PLG: variants seen among roughly 807,000 people sequenced by gnomAD.
PLG encodes plasmin.
PLG carries 41 observed loss-of-function variants against 104.4 expected under a neutral mutation model. The observed-to-expected ratio is 0.39, with a 90% CI of 0.31 to 0.51. The LOEUF (loss-of-function observed/expected upper bound fraction) is 0.51. Among genes scored for constraint, PLG ranks in the 20% least tolerant of loss-of-function variants. The pLI is 0.76. For synonymous variants in PLG, 337 were observed against 357.1 expected (o/e 0.94, Z 0.63); for missense variants, 891 against 1,003.6 (o/e 0.89, Z 1.52).
At position 160,737,214 on chromosome 6, in the gene PLG, T is replaced by A. The variant is rs570831168; in HGVS notation, c.1802+207T>A. On this transcript the variant is annotated intron_variant, in intron 14 of 18. Transcript: ENST00000308192. The surrounding 1 kb of genome is among the most constrained non-coding windows in gnomAD (Gnocchi z 4.7). ...CTACTGTGAAAATGACAAAAATTGC[T>A]GTCTTTTTCTTGATCTGGGCAGCTC... Among the ~76,000 whole-genome samples the A allele has an allele frequency of 7.0e-4, 106 of 152,186 alleles. No homozygotes were observed. Among genetic ancestry groups the A allele is most frequent in the Non-Finnish European group, 1.1e-3 (75 of 68,036 alleles).
intron 2 of PLG, among the ~76,000 whole-genome samples, chr6:160,706,767 C>T (rs968496193): frequency 9.2e-5 from 14 of 152,014 alleles, no homozygotes; most frequent in Admixed American, 3.3e-4. Flanking sequence ...GTTTTTACAC[C>T]GGACACAAAC....
In PLG at chr6:160,731,899, C is replaced by T. The variant is rs2115174158; in HGVS notation, c.1587+6C>T. Reference sequence around the variant, plus strand: ...GGGCGGGTCTGGAAAAAAATGTAAGCCACTTTGATTTGGACTCTTTGGCCT... The same window carrying T: ...GGGCGGGTCTGGAAAAAAATGTAAGTCACTTTGATTTGGACTCTTTGGCCT... On this transcript the variant is annotated splice_donor_region_variant and intron_variant, in intron 12 of 18. Coordinates refer to ENST00000308192, the MANE Select transcript of PLG (RefSeq NM_000301.5). The surrounding 1 kb of genome is among the most constrained non-coding windows in gnomAD (Gnocchi z 5.1). 9 of 1,613,864 alleles carry T rather than the reference C, an allele frequency of 5.6e-6. No individual in the cohort carries two copies. The highest frequency in any genetic ancestry group is 2.2e-5 in the East Asian group (1 of 44,868).
In PLG at chr6:160,724,672, AT is replaced by A. The variant is rs1777896719; in HGVS notation, c.1256+2106del. On this transcript the variant is annotated intron_variant, in intron 10 of 18. Coordinates refer to ENST00000308192, the MANE Select transcript of PLG (RefSeq NM_000301.5). This position sits in a 1 kb window ranked among gnomAD's most constrained non-coding sequence, Gnocchi z 5.0. ...AACTATGCTGGTCAGAAACAATGAA[AT>A]AACACCTTTAAAGTGATAGAAAAAA... is the stretch of plus-strand genomic sequence containing the variant. Among the ~76,000 whole-genome samples the A allele has an allele frequency of 6.6e-6, 1 of 152,216 alleles. No homozygotes were observed. The highest frequency in any genetic ancestry group is 2.4e-5 in the African/African-American group (1 of 41,464).
chr6:160,705,445 A>G (rs1218783324), intron 1 of PLG: 1 of 152,218 alleles, frequency 6.6e-6, no homozygotes, highest in Non-Finnish European at 1.5e-5. Context: ...CTGCTTTTTT[A>G]CAATTTCCTC....
rs1777900489 is a variant in PLG at position 160,725,017 on chromosome 6, C to A, written c.1256+2450C>A. 6.6e-6 allele frequency among the ~76,000 whole-genome samples: 1 copy of A among 152,032 alleles called. No individual in the cohort carries two copies. The highest frequency in any genetic ancestry group is 2.1e-4 in the South Asian group (1 of 4,826). ...AGATCATGGGGTCAGGAGTTTGAGA[C>A]CAGCCTGACCAACATGGTGAAACCC... On this transcript the variant is annotated intron_variant, in intron 10 of 18. Coordinates refer to ENST00000308192, the MANE Select transcript of PLG (RefSeq NM_000301.5). This position sits in a 1 kb window ranked among gnomAD's most constrained non-coding sequence, Gnocchi z 6.3.
chr6:160,721,553 T>A (rs1777828022), intron 9 of PLG, among the ~76,000 whole-genome samples: 1 of 152,206 alleles, frequency 6.6e-6, no homozygotes, highest in African/African-American at 2.4e-5. Flanking sequence ...CGTGTTCCTA[T>A]CCATTCCCAG....
At chr6:160,708,266 T>C (rs1777568790) in intron 3 of PLG, 1 of 154,776 alleles carries the variant, frequency 6.5e-6, no homozygotes, top group Admixed American at 6.3e-5. Flanking sequence ...AATCTTATTT[T>C]TACTCTTAAA....
At chr6:160,729,674 G>C (rs1377134694) in intron 10 of PLG, among the ~76,000 whole-genome samples, 3 of 152,176 alleles carry the variant, frequency 2.0e-5, no homozygotes, top group African/African-American at 7.2e-5. Context: ...TTTGAGGAGA[G>C]GTAAAACTAA....
intron 3 of PLG, chr6:160,708,356 C>T (rs528976977): frequency 1.3e-5 from 2 of 152,674 alleles, no homozygotes; most frequent in South Asian, 2.0e-4. Context: ...GTAAAAGTTA[C>T]AGTTCCTTTT....
chr6:160,720,888 G>A (rs1777818289), intron 9 of PLG, among the ~76,000 whole-genome samples: 1 of 151,794 alleles, frequency 6.6e-6, no homozygotes. Flanking sequence ...TTGTAAGCTT[G>A]TTCTCTTTTT....
rs1174405114 is a variant in PLG at position 160,752,366 on chromosome 6, A to G, written c.2271+106A>G. 3 of 987,536 alleles carry G rather than the reference A, an allele frequency of 3.0e-6. No individual in the cohort carries two copies. The highest frequency in any genetic ancestry group is 4.9e-6 in the Non-Finnish European group (3 of 616,882). 61.2% of individuals were successfully genotyped at this position (987,536 alleles called of 1,614,324 possible). ...GGCAAATTCAAGGATTTTCAACCGA[A>G]GACCCCAGTCTAAGTGTTGTTTAGA... On this transcript the variant is annotated intron_variant, in intron 18 of 18. Transcript: ENST00000308192. The surrounding 1 kb of genome is among the most constrained non-coding windows in gnomAD (Gnocchi z 4.7).
At position 160,738,774 on chromosome 6, in the gene PLG, T is replaced by C. The variant is rs1030083615; in HGVS notation, c.1877+162T>C. ...AATTGGATAAGAGAGAAGGGAAGGG[T>C]TTCTAGAAAGAAACTGCAGAGGAAA... On this transcript the variant is annotated intron_variant, in intron 15 of 18. Transcript: ENST00000308192. This position sits in a 1 kb window ranked among gnomAD's most constrained non-coding sequence, Gnocchi z 6.8. Among the ~76,000 whole-genome samples the C allele has an allele frequency of 4.6e-5, 7 of 151,512 alleles. No homozygotes were observed. The highest frequency in any genetic ancestry group is 1.7e-4 in the African/African-American group (7 of 41,200).
chr6:160,705,653 G>A (rs1562370383), intron 1 of PLG: 1 of 152,110 alleles, frequency 6.6e-6, no homozygotes, highest in Non-Finnish European at 1.5e-5. Flanking sequence ...CATCATCTAT[G>A]CACCAAAATT....
At chr6:160,717,033 T>G (rs1291866876) in intron 7 of PLG, among the ~76,000 whole-genome samples, 1 of 152,164 alleles carries the variant, frequency 6.6e-6, no homozygotes, top group Non-Finnish European at 1.5e-5. Flanking sequence ...AGGCTTTAGG[T>G]GTTGTTCATC....
At chr6:160,745,405 CTTCT>C (rs1288318442) in intron 17 of PLG, among the ~76,000 whole-genome samples, 1 of 145,194 alleles carries the variant, frequency 6.9e-6, no homozygotes, top group African/African-American at 2.5e-5. Flanking sequence ...ATGTAATGCC[CTTCT>C]TTGTCTTTTT....
At chr6:160,720,658 G>A (rs1217961737) in intron 9 of PLG, among the ~76,000 whole-genome samples, 2 of 151,814 alleles carry the variant, frequency 1.3e-5, no homozygotes, top group East Asian at 3.9e-4. Flanking sequence ...GACCTCAGAC[G>A]GTCCATCACC....
Position 160,735,741 on chromosome 6 carries a change from T to C in PLG, c.1682-1146T>C, listed in dbSNP as rs1233290571. 6.6e-6 allele frequency among the ~76,000 whole-genome samples: 1 copy of C among 152,166 alleles called. No homozygotes were observed. Among genetic ancestry groups the C allele is most frequent in the African/African-American group, 2.4e-5 (1 of 41,442 alleles). On this transcript the variant is annotated intron_variant, in intron 13 of 18. Transcript: ENST00000308192. This position sits in a 1 kb window ranked among gnomAD's most constrained non-coding sequence, Gnocchi z 5.4. Reference sequence around the variant, plus strand: ...TAATAAGCAAAAATAAATAGAAACATTCAGTTTTGTTTTGAATAGTAGGAG... The same window carrying C: ...TAATAAGCAAAAATAAATAGAAACACTCAGTTTTGTTTTGAATAGTAGGAG...
At chr6:160,707,854 C>T (rs1192702474) in intron 3 of PLG, 48 bp downstream of exon 3, 3 of 1,230,804 alleles carry the variant, frequency 2.4e-6, no homozygotes, top group Non-Finnish European at 3.6e-6. Context: ...CCCATCCTCC[C>T]ACTCTTCCTC....
chr6:160,709,883 C>A (rs1233892103), intron 3 of PLG, among the ~76,000 whole-genome samples: 2 of 152,170 alleles, frequency 1.3e-5, no homozygotes, highest in Admixed American at 6.5e-5. Context: ...AAGTGGGTAA[C>A]CTTAAATGAT....
Sources: gnomAD v4.1 joint callset for allele counts (sites outside exome capture counted in the v4.1 genomes callset) on GRCh38, gnomAD v4.1.1 for gene constraint, Gnocchi (gnomAD v3.1) non-coding constraint, MANE v1.5 for transcripts, NCBI Gene and HGNC (gene_info 2026-07-23, HGNC 2026-07-21) for gene names.